Variants in CATSPERT observed in about 807,000 individuals in gnomAD.
The protein encoded by CATSPERT is catsper channel auxiliary subunit tau.
the CATSPERT span, among the ~76,000 whole-genome samples, chr2:201,577,776 T>G: frequency 6.6e-6 from 1 of 152,192 alleles, no homozygotes; most frequent in South Asian, 2.1e-4. Flanking sequence ...AAAGTTAGAC[T>G]GGAGGAGCAG....
the CATSPERT span, among the ~76,000 whole-genome samples, chr2:201,522,633 G>A: frequency 6.6e-6 from 1 of 152,298 alleles, no homozygotes; most frequent in East Asian, 1.9e-4. Flanking sequence ...CCTAGCTGCA[G>A]GTGACCCCAT....
At chr2:201,568,703 T>C in the CATSPERT span, among the ~76,000 whole-genome samples, 1 of 152,190 alleles carries the variant, frequency 6.6e-6, no homozygotes, top group Non-Finnish European at 1.5e-5. Flanking sequence ...TCCCTGATGG[T>C]GGCACTAATC....
the CATSPERT span, among the ~76,000 whole-genome samples, chr2:201,565,304 C>CAAA: frequency 0.056 from 8,083 of 144,220 alleles, 289 homozygotes; most frequent in African/African-American, 0.08. Context: ...GGCCTCGTCT[C>CAAA]AAAAAAAAAA....
At chr2:201,489,943 G>A in the CATSPERT span, among the ~76,000 whole-genome samples, 3 of 149,972 alleles carry the variant, frequency 2.0e-5, no homozygotes, top group Non-Finnish European at 2.9e-5. Flanking sequence ...TGCAACCTCT[G>A]CCTCCTGGGT....
At chr2:201,614,371 C>T in the CATSPERT span, among the ~76,000 whole-genome samples, 1 of 152,194 alleles carries the variant, frequency 6.6e-6, no homozygotes, top group Admixed American at 6.5e-5. Context: ...TTGGCAGAAA[C>T]TCTACAAGCC....
At chr2:201,603,552 C>G in the CATSPERT span, among the ~76,000 whole-genome samples, 2 of 152,150 alleles carry the variant, frequency 1.3e-5, no homozygotes, top group Non-Finnish European at 2.9e-5. Context: ...TAAATCTGAT[C>G]ATCACTCTTT....
the CATSPERT span, chr2:201,492,565 T>C: frequency 6.5e-7 from 1 of 1,534,382 alleles, no homozygotes; most frequent in Non-Finnish European, 8.7e-7. Context: ...TATGTTTGGG[T>C]ATATAGTCTC....
the CATSPERT span, chr2:201,511,843 A>AT: frequency 4.2e-5 from 2 of 47,556 alleles, no homozygotes; most frequent in East Asian, 4.7e-4. Context: ...ACCTTGGCTC[A>AT]TTAAAAAAAA....
At chr2:201,603,763 T>C in the CATSPERT span, among the ~76,000 whole-genome samples, 1 of 152,220 alleles carries the variant, frequency 6.6e-6, no homozygotes, top group Non-Finnish European at 1.5e-5. Context: ...TTTCTAAATG[T>C]TAAAGAAAAT....
At chr2:201,551,000 C>T in the CATSPERT span, 1 of 152,190 alleles carries the variant, frequency 6.6e-6, no homozygotes, top group African/African-American at 2.4e-5. Context: ...GCCAGTATTA[C>T]AGCTGTCCAT....
At chr2:201,601,085 T>C in the CATSPERT span, among the ~76,000 whole-genome samples, 4 of 152,116 alleles carry the variant, frequency 2.6e-5, no homozygotes, top group South Asian at 2.1e-4. Context: ...TTTAAGATTC[T>C]AATAAGCCTA....
the CATSPERT span, among the ~76,000 whole-genome samples, chr2:201,533,140 C>A: frequency 1.3e-5 from 2 of 152,142 alleles, no homozygotes; most frequent in African/African-American, 4.8e-5. Context: ...TAATTGAGAT[C>A]TTAATTTGAT....
the CATSPERT span, among the ~76,000 whole-genome samples, chr2:201,540,618 C>T: frequency 6.6e-6 from 1 of 152,154 alleles, no homozygotes; most frequent in African/African-American, 2.4e-5. Flanking sequence ...TTGAGACTTA[C>T]TATTCAGAAA....
the CATSPERT span, chr2:201,494,157 T>G: frequency 6.5e-7 from 1 of 1,532,640 alleles, no homozygotes; most frequent in South Asian, 1.2e-5. Flanking sequence ...AATCTTGTTT[T>G]TTTTCCAATA....
At chr2:201,515,098 C>T in the CATSPERT span, among the ~76,000 whole-genome samples, 1 of 148,606 alleles carries the variant, frequency 6.7e-6, no homozygotes, top group Non-Finnish European at 1.5e-5. Flanking sequence ...AAGTGAAGTA[C>T]ATATGGTCTT....
the CATSPERT span, among the ~76,000 whole-genome samples, chr2:201,533,889 G>T: frequency 1.3e-5 from 2 of 152,064 alleles, no homozygotes; most frequent in Non-Finnish European, 2.9e-5. Flanking sequence ...AGACCTGAAG[G>T]TTCTGTTTTT....
At chr2:201,593,924 CTT>C in the CATSPERT span, among the ~76,000 whole-genome samples, 1 of 151,938 alleles carries the variant, frequency 6.6e-6, no homozygotes, top group Non-Finnish European at 1.5e-5. Context: ...GGTCTTGACT[CTT>C]TATCCAATTT....
the CATSPERT span, among the ~76,000 whole-genome samples, chr2:201,563,011 G>C: frequency 4.0e-5 from 6 of 150,362 alleles, no homozygotes; most frequent in South Asian, 8.5e-4. Flanking sequence ...ATCCTGGCCC[G>C]TTCTCAATGA....
At chr2:201,575,425 T>C in the CATSPERT span, 2 of 791,514 alleles carry the variant, frequency 2.5e-6, no homozygotes, top group Non-Finnish European at 3.7e-6. Flanking sequence ...CATGGACTGG[T>C]GCTGGTCCAT....
Sources: allele counts gnomAD v4.1 joint callset (sites outside exome capture counted in the v4.1 genomes callset), GRCh38; gene constraint gnomAD v4.1.1; transcripts MANE v1.5; gene names NCBI Gene and HGNC (gene_info 2026-07-23, HGNC 2026-07-21).